The following FMN1 variants were observed in gnomAD, a reference collection of about 807,000 sequenced individuals.
FMN1 encodes formin-1.
FMN1 carries 110 observed loss-of-function variants against 132.4 expected under a neutral mutation model. That is an observed-to-expected ratio of 0.83 (90% CI 0.71 to 0.97). The LOEUF is 0.97. FMN1 is among the 50% of genes least tolerant of loss of function. The probability of loss-of-function intolerance (pLI) is 0.00; values close to 1 mark genes in which losing one functional copy is unlikely to be tolerated. For missense variants in FMN1, 1,792 were observed against 1,705.3 expected (o/e 1.05, Z -0.90); for synonymous variants, 722 against 651.7 (o/e 1.11, Z -1.64).
At chr15:33,016,278 C>A (rs1221608557) in intron 6 of FMN1, among the ~76,000 whole-genome samples, 1 of 152,164 alleles carries the variant, frequency 6.6e-6, no homozygotes, top group Non-Finnish European at 1.5e-5. Context: ...GCTTCTCTGA[C>A]CATTTCTAAC....
At chr15:33,019,418 G>T (rs2035287658) in intron 6 of FMN1, among the ~76,000 whole-genome samples, 1 of 152,202 alleles carries the variant, frequency 6.6e-6, no homozygotes, top group African/African-American at 2.4e-5. Context: ...AGCCCAGCTG[G>T]CTTCACCCAG....
intron 20 of FMN1, 85 bp downstream of exon 20, chr15:32,776,750 T>C (rs2140869415): frequency 1.4e-6 from 1 of 735,468 alleles, no homozygotes; most frequent in Non-Finnish European, 2.3e-6. Context: ...CTGGATACTA[T>C]GTTTCATCTC....
intron 4 of FMN1, among the ~76,000 whole-genome samples, chr15:33,116,935 A>T (rs562464866): frequency 7.4e-6 from 1 of 135,744 alleles, no homozygotes; most frequent in South Asian, 2.4e-4. Flanking sequence ...GCACTCAATA[A>T]ATGCTTATTA....
At chr15:32,884,475 A>T (rs549118493) in intron 16 of FMN1, among the ~76,000 whole-genome samples, 1 of 152,300 alleles carries the variant, frequency 6.6e-6, no homozygotes, top group African/African-American at 2.4e-5. Context: ...ATGTGATTAG[A>T]TTAGGCCCAC....
chr15:33,086,483 G>C (rs1441734068), intron 5 of FMN1, among the ~76,000 whole-genome samples: 1 of 151,138 alleles, frequency 6.6e-6, no homozygotes, highest in Non-Finnish European at 1.5e-5. Flanking sequence ...TTTTATAATT[G>C]TAAAAAATTA....
intron 7 of FMN1, among the ~76,000 whole-genome samples, chr15:32,974,043 G>T (rs999714927): frequency 4.6e-5 from 7 of 152,142 alleles, no homozygotes; most frequent in African/African-American, 1.7e-4. Context: ...GTCAAAACCA[G>T]TCCCTTACAA....
intron 15 of FMN1, among the ~76,000 whole-genome samples, chr15:32,895,544 G>A (rs973030637): frequency 6.6e-6 from 1 of 151,968 alleles, no homozygotes; most frequent in Non-Finnish European, 1.5e-5. Flanking sequence ...ATCAACGGCA[G>A]GCTAAATATG....
chr15:32,777,667 C>CATAACACATTTATATATTACAT (rs2056486975), intron 19 of FMN1, among the ~76,000 whole-genome samples: 3 of 102,674 alleles, frequency 2.9e-5, no homozygotes, highest in African/African-American at 1.1e-4. Context: ...TTACGTATAA[C>CATAACACATTTATATATTACAT]ATAACACATT....
chr15:33,097,231 G>T (rs2039119765), intron 4 of FMN1, among the ~76,000 whole-genome samples: 1 of 151,820 alleles, frequency 6.6e-6, no homozygotes, highest in South Asian at 2.1e-4. Context: ...TTGAGCCTGG[G>T]AGGTTGAGGC....
At chr15:32,860,063 A>G (rs1214130823) in intron 16 of FMN1, among the ~76,000 whole-genome samples, 2 of 149,570 alleles carry the variant, frequency 1.3e-5, no homozygotes, top group Admixed American at 6.7e-5. Flanking sequence ...GAATGAAAGG[A>G]GGAAAGAAAG....
intron 17 of FMN1, among the ~76,000 whole-genome samples, chr15:32,841,577 ATATT>A (rs1232795863): frequency 6.6e-6 from 1 of 152,170 alleles, no homozygotes; most frequent in African/African-American, 2.4e-5. Context: ...ATGGGACTTT[ATATT>A]AAAGTCCTAG....
rs1290674145 is a variant in FMN1 at position 32,898,841 on chromosome 15, T to A, written c.3707A>T (p.Tyr1236Phe). ...CGTAATACCATTTCTTACCTGATCA[T>A]AGTAACGCAGGTAATACTTAACAAC... The part of the protein sequence containing the change: ...DYVVKYYLRY[Y>F]DQEAGTEKSV... Residue 1236 changes from tyrosine to phenylalanine, a missense_variant, in exon 15 of 21, where the codon TAT becomes TTT. Coordinates refer to ENST00000616417, the MANE Select transcript of FMN1 (RefSeq NM_001277313.2). The A allele has an allele frequency of 3.8e-6, 6 of 1,594,424 alleles. No homozygotes were observed. The highest frequency in any genetic ancestry group is 1.7e-4 in the Middle Eastern group (1 of 6,058).
At chr15:33,094,368 T>A (rs1480115868) in intron 4 of FMN1, among the ~76,000 whole-genome samples, 1 of 152,214 alleles carries the variant, frequency 6.6e-6, no homozygotes, top group African/African-American at 2.4e-5. Flanking sequence ...AAGAACTCTA[T>A]ATACAATGAG....
intron 7 of FMN1, among the ~76,000 whole-genome samples, chr15:32,997,313 AT>A (rs1479975958): frequency 1.3e-5 from 2 of 149,204 alleles, no homozygotes; most frequent in East Asian, 3.9e-4. Flanking sequence ...CTACAGAAAT[AT>A]CACCGTCTTT....
At chr15:33,023,646 T>C (rs345853) in intron 6 of FMN1, among the ~76,000 whole-genome samples, 103,528 of 151,986 alleles carry the variant, frequency 0.68, 36,011 homozygotes, top group Non-Finnish European at 0.75. Flanking sequence ...GAATAATTAA[T>C]TGAAAGTGCA....
At chr15:32,832,640 T>C (rs145560992) in intron 17 of FMN1, among the ~76,000 whole-genome samples, 1,976 of 152,092 alleles carry the variant, frequency 0.013, 16 homozygotes, top group Non-Finnish European at 0.021. Flanking sequence ...TAGCCAGACA[T>C]GGTGGTGAGT....
intron 6 of FMN1, among the ~76,000 whole-genome samples, chr15:33,059,618 ATCTT>A (rs2037391549): frequency 6.6e-6 from 1 of 152,248 alleles, no homozygotes; most frequent in Non-Finnish European, 1.5e-5. Flanking sequence ...ATTTTAGACT[ATCTT>A]TATCTCCAAA....
intron 6 of FMN1, among the ~76,000 whole-genome samples, chr15:33,023,290 C>T (rs76644551): frequency 1.3e-5 from 2 of 151,668 alleles, no homozygotes; most frequent in Admixed American, 6.6e-5. Flanking sequence ...CTATAGATCA[C>T]GAGCCTTCAA....
At chr15:33,088,463 A>T (rs1241164198) in intron 5 of FMN1, among the ~76,000 whole-genome samples, 1 of 152,212 alleles carries the variant, frequency 6.6e-6, no homozygotes, top group Admixed American at 6.5e-5. Flanking sequence ...TTATTGACAA[A>T]TTTTTAGTAA....
Sources: gnomAD v4.1 joint callset for allele counts (sites outside exome capture counted in the v4.1 genomes callset) on GRCh38, gnomAD v4.1.1 for gene constraint, MANE v1.5 for transcripts, NCBI Gene and HGNC (gene_info 2026-07-23, HGNC 2026-07-21) for gene names.